The following SPINK5 variants were observed in gnomAD, a reference collection of about 807,000 sequenced individuals.
SPINK5 encodes the protein serine peptidase inhibitor Kazal type 5.
In SPINK5, 125 loss-of-function variants were observed where a neutral mutation model predicts 151.8. The ratio of observed to expected loss-of-function variants is 0.82; its 90% CI spans 0.71 to 0.96. SPINK5 has a LOEUF of 0.96. Ranked by LOEUF, SPINK5 falls within the 40% of genes least tolerant of loss-of-function variation. SPINK5 has a pLI of 0.00. For missense variants in SPINK5, 1,194 were observed against 1,291.9 expected, an observed-to-expected ratio of 0.92 and a Z score of 1.16; for synonymous variants, 374 against 395.3, an observed-to-expected ratio of 0.95 and a Z score of 0.64.
chr5:148,099,378 T>C (rs1488734165), intron 12 of SPINK5, 63 bp downstream of exon 12: 1 of 1,454,528 alleles, frequency 6.9e-7, no homozygotes, highest in African/African-American at 1.4e-5. Flanking sequence ...TTTAAGAGCC[T>C]AAAGGGTGAG....
chr5:148,073,650 C>G (rs566618901), intron 4 of SPINK5, among the ~76,000 whole-genome samples: 1 of 151,660 alleles, frequency 6.6e-6, no homozygotes, highest in South Asian at 2.1e-4. Context: ...GCAAAATACA[C>G]ACAAACATAC....
At chr5:148,072,775 G>A (rs1752775157) in intron 4 of SPINK5, among the ~76,000 whole-genome samples, 1 of 151,160 alleles carries the variant, frequency 6.6e-6, no homozygotes, top group Non-Finnish European at 1.5e-5. Context: ...TACCTGGAGG[G>A]TCCTCCTAAT....
intron 5 of SPINK5, among the ~76,000 whole-genome samples, chr5:148,088,252 C>T (rs1054718329): frequency 2.6e-5 from 4 of 151,790 alleles, no homozygotes; most frequent in Non-Finnish European, 5.9e-5. Flanking sequence ...ACAAGCTTTA[C>T]TTTTCCCCAT....
At chr5:148,095,789 T>C (rs1753439443) in intron 9 of SPINK5, 29 bp from the exon 10 acceptor site, 5 of 1,558,860 alleles carry the variant, frequency 3.2e-6, no homozygotes, top group Non-Finnish European at 4.4e-6. Context: ...ATCGGAAGCA[T>C]CTCTACTCAT....
chr5:148,123,414 TTA>T (rs1464701119), intron 26 of SPINK5, among the ~76,000 whole-genome samples: 110 of 134,794 alleles, frequency 8.2e-4, no homozygotes, highest in East Asian at 1.9e-3. Context: ...ATATAATATA[TTA>T]TATATATAGA....
Position 148,091,285 on chromosome 5 carries a change from A to G in SPINK5, c.666+57A>G. 2.1e-6 allele frequency: 3 copies of G among 1,398,468 alleles called. No homozygotes were observed. The South Asian group carries it at 3.5e-5, about 16-fold the overall frequency. 86.6% of individuals were successfully genotyped at this position (1,398,468 alleles called of 1,614,324 possible). ...TGTGGCCATATTTATTAACAAATGT[A>G]TGCCTAAACCTTTGAGTAATGAAAT... On this transcript the variant is annotated intron_variant, in intron 8 of 32. Transcript: ENST00000256084.
intron 2 of SPINK5, among the ~76,000 whole-genome samples, chr5:148,068,673 G>A (rs924405720): frequency 6.6e-6 from 1 of 151,690 alleles, no homozygotes; most frequent in Non-Finnish European, 1.5e-5. Context: ...TTTGGAACAG[G>A]TTGTGTTTGT....
intron 30 of SPINK5, among the ~76,000 whole-genome samples, chr5:148,128,066 AG>A (rs1484930405): frequency 6.2e-4 from 94 of 152,312 alleles, no homozygotes; most frequent in African/African-American, 2.2e-3. Flanking sequence ...GGAGAAAGAA[AG>A]GTATCAAACA....
chr5:148,066,465 G>A (rs1186441073), intron 2 of SPINK5, among the ~76,000 whole-genome samples: 1 of 152,058 alleles, frequency 6.6e-6, no homozygotes, highest in Non-Finnish European at 1.5e-5. Flanking sequence ...TATTCTTTAC[G>A]TTGAAACTCT....
At chr5:148,072,313 C>A in intron 4 of SPINK5, 93 bp downstream of exon 4, 2 of 1,371,978 alleles carry the variant, frequency 1.5e-6, no homozygotes, top group Non-Finnish European at 2.1e-6. Flanking sequence ...TAGGTCATAC[C>A]TGTTTTGAAG....
intron 26 of SPINK5, 68 bp from the exon 27 acceptor site, chr5:148,123,765 T>C: frequency 6.2e-7 from 1 of 1,605,732 alleles, no homozygotes; most frequent in Non-Finnish European, 8.5e-7. Flanking sequence ...ATCTAATCGG[T>C]CAATCATGTT....
In SPINK5 at chr5:148,115,979, G is replaced by A. The variant is rs527897818; in HGVS notation, c.2016-391G>A. On this transcript the variant is annotated intron_variant, in intron 21 of 32. Coordinates refer to ENST00000256084, the MANE Select transcript of SPINK5 (RefSeq NM_006846.4). ...TGGGGTTACAGGCATGTACCACCAC[G>A]CCTGGCTAATTCTTGTATTTTTAGT... 1.3e-3 allele frequency among the ~76,000 whole-genome samples: 205 copies of A among 151,960 alleles called. No homozygotes were observed. In the Middle Eastern group the frequency reaches 0.027, roughly 20 times the overall value.
At chr5:148,114,144 G>C (rs930515586) in intron 20 of SPINK5, among the ~76,000 whole-genome samples, 9 of 152,054 alleles carry the variant, frequency 5.9e-5, no homozygotes, top group African/African-American at 2.2e-4. Flanking sequence ...TATGGTTGCA[G>C]GTTTAGTCTG....
intron 21 of SPINK5, 95 bp from the exon 22 acceptor site, chr5:148,116,275 A>G (rs752717188): frequency 6.5e-6 from 8 of 1,230,626 alleles, no homozygotes; most frequent in African/African-American, 6.0e-5. Context: ...ATAATTCTGT[A>G]CATATGTGAT....
Position 148,133,896 on chromosome 5 carries a change from A to T in SPINK5, c.3186+9A>T, listed in dbSNP as rs375728523. 3 of 1,613,804 alleles carry T rather than the reference A, an allele frequency of 1.9e-6. No individual in the cohort carries two copies. In the African/African-American group the frequency reaches 4.0e-5, roughly 22 times the overall value. ...CCAGCATGCCCCCGTCTGTAAGTAC[A>T]TAAGTAGACTGGCCTCCATGGTTAC... is the stretch of plus-strand genomic sequence containing the variant. On this transcript the variant is annotated intron_variant, in intron 32 of 32. Coordinates refer to ENST00000256084, the MANE Select transcript of SPINK5 (RefSeq NM_006846.4).
intron 3 of SPINK5, among the ~76,000 whole-genome samples, chr5:148,071,382 A>G (rs895837716): frequency 6.6e-6 from 1 of 152,116 alleles, no homozygotes; most frequent in South Asian, 2.1e-4. Context: ...CTGTGAGACT[A>G]TAAAGAAGCC....
intron 26 of SPINK5, 41 bp from the exon 27 acceptor site, chr5:148,123,792 T>C (rs747420294): frequency 1.2e-6 from 2 of 1,613,384 alleles, no homozygotes; most frequent in Admixed American, 3.3e-5. Context: ...TTTGAAAGAT[T>C]ATACCATGAC....
At chr5:148,101,285 T>C in intron 13 of SPINK5, 70 bp from the exon 14 acceptor site, 1 of 1,112,894 alleles carries the variant, frequency 9.0e-7, no homozygotes, top group Middle Eastern at 2.4e-4. Flanking sequence ...AATTAAATTA[T>C]ATTTGAGATC....
Position 148,116,463 on chromosome 5 carries a change from T to G in SPINK5, c.2109T>G (p.Thr703=). ...HGSSGGGGGN[T]QDECAEYREQ... ...CCAGTGGTGGTGGAGGAGGAAACAC[T>G]CAGGTGAGAGCAACCTCTAATTTCA... Residue 703 remains threonine (T), a synonymous_variant, in exon 22 of 33, where the codon ACT becomes ACG. Transcript: ENST00000256084. 1 of 1,614,050 alleles carries G rather than the reference T, an allele frequency of 6.2e-7. No homozygotes were observed. Among genetic ancestry groups the G allele is most frequent in the Non-Finnish European group, 8.5e-7 (1 of 1,179,952 alleles).
Sources: allele counts gnomAD v4.1 joint callset (sites outside exome capture counted in the v4.1 genomes callset), GRCh38; gene constraint gnomAD v4.1.1; transcripts MANE v1.5; gene names NCBI Gene and HGNC (gene_info 2026-07-23, HGNC 2026-07-21).